The following PKP4 variants were observed in gnomAD, a reference collection of about 807,000 sequenced individuals.
PKP4 encodes the protein plakophilin 4, also known as plakophilin-4.
PKP4 carries 90 observed loss-of-function variants against 145.1 expected under a neutral mutation model. The ratio of observed to expected loss-of-function variants is 0.62; its 90% confidence interval spans 0.52 to 0.74. The LOEUF is 0.74. Among genes scored for constraint, PKP4 ranks in the 30% least tolerant of loss-of-function variants. PKP4 has a pLI of 0.00. For synonymous variants in PKP4, 563 were observed against 577.2 expected (o/e 0.98, Z 0.35); for missense variants, 1,340 against 1,482.7 (o/e 0.90, Z 1.58).
At chr2:158,502,597 C>A (rs539083341) in intron 1 of PKP4, among the ~76,000 whole-genome samples, 1 of 152,202 alleles carries the variant, frequency 6.6e-6, no homozygotes, top group South Asian at 2.1e-4. Flanking sequence ...GCAGTCACTT[C>A]TAGTTGAAAT....
chr2:158,625,281 C>T lies in PKP4; in HGVS notation c.1007C>T (p.Ser336Leu), dbSNP rs766241649. ...CCATCCCAAGGCCAGGTGGGGTCGT[C>T]GTCCCCCAAACGCTCAGGGATGACC... ...ASPSQGQVGSSSPKRSGMTAV... is the reference protein window; with the variant it reads ...ASPSQGQVGSLSPKRSGMTAV... Residue 336 changes from serine to leucine, a missense_variant, in exon 7 of 22, where the codon TCG (serine) becomes TTG (leucine). Transcript: ENST00000389759. The T allele has an allele frequency of 6.2e-6, 10 of 1,614,186 alleles. No homozygotes were observed. The highest frequency in any genetic ancestry group is 7.6e-6 in the Non-Finnish European group (9 of 1,180,028).
intron 2 of PKP4, among the ~76,000 whole-genome samples, chr2:158,558,674 G>A (rs2046287998): frequency 1.3e-5 from 2 of 152,150 alleles, no homozygotes; most frequent in South Asian, 2.1e-4. Flanking sequence ...AAATAAGTGT[G>A]TCTGGAAAGG....
intron 9 of PKP4, among the ~76,000 whole-genome samples, chr2:158,636,264 T>C (rs1004079681): frequency 6.6e-6 from 1 of 152,108 alleles, no homozygotes; most frequent in Non-Finnish European, 1.5e-5. Flanking sequence ...TTCACTTGTT[T>C]TTTTAAAGGA....
intron 15 of PKP4, among the ~76,000 whole-genome samples, chr2:158,664,090 CAG>C (rs1260251167): frequency 6.6e-6 from 1 of 152,200 alleles, no homozygotes; most frequent in Non-Finnish European, 1.5e-5. Context: ...AGATGAGTGA[CAG>C]AGACGGGCTA....
At chr2:158,480,394 G>A (rs530887625) in intron 1 of PKP4, among the ~76,000 whole-genome samples, 3 of 151,866 alleles carry the variant, frequency 2.0e-5, no homozygotes, top group South Asian at 2.1e-4. Flanking sequence ...CCACCACCAC[G>A]CCCAGCTAAT....
chr2:158,484,399 C>T (rs1693865237), intron 1 of PKP4, among the ~76,000 whole-genome samples: 1 of 152,206 alleles, frequency 6.6e-6, no homozygotes, highest in South Asian at 2.1e-4. Context: ...GTCATTTCCA[C>T]TTGTCCTTGA....
chr2:158,618,173 C>CA (rs1412066769), intron 4 of PKP4, among the ~76,000 whole-genome samples: 1 of 150,876 alleles, frequency 6.6e-6, no homozygotes, highest in African/African-American at 2.4e-5. Flanking sequence ...GACTCCGTCT[C>CA]AAAAAAAAGA....
chr2:158,512,283 A>G (rs772729826), intron 1 of PKP4, among the ~76,000 whole-genome samples: 2 of 152,262 alleles, frequency 1.3e-5, no homozygotes, highest in African/African-American at 2.4e-5. Context: ...CAAAATCTGT[A>G]AACAGATTAT....
intron 15 of PKP4, 43 bp downstream of exon 15, chr2:158,663,488 A>C: frequency 6.6e-7 from 1 of 1,525,694 alleles, no homozygotes; most frequent in Non-Finnish European, 9.0e-7. Context: ...CCATCTTTGC[A>C]AACTAACTTG....
At chr2:158,536,684 T>A (rs1268215928) in intron 2 of PKP4, among the ~76,000 whole-genome samples, 1 of 152,230 alleles carries the variant, frequency 6.6e-6, no homozygotes, top group Non-Finnish European at 1.5e-5. Context: ...TTTGGCATAA[T>A]GCTAGAATTT....
At chr2:158,596,224 T>C (rs1396044891) in intron 3 of PKP4, among the ~76,000 whole-genome samples, 1 of 152,010 alleles carries the variant, frequency 6.6e-6, no homozygotes, top group Non-Finnish European at 1.5e-5. Context: ...AAATCACAAA[T>C]TGAAAGTAAG....
chr2:158,484,736 G>A (rs978410395), intron 1 of PKP4, among the ~76,000 whole-genome samples: 10 of 152,170 alleles, frequency 6.6e-5, no homozygotes, highest in African/African-American at 2.4e-4. Context: ...TTATAAATGG[G>A]TTGTTAGCCA....
intron 4 of PKP4, among the ~76,000 whole-genome samples, chr2:158,620,137 TTAA>T (rs2052060492): frequency 6.6e-6 from 1 of 152,164 alleles, no homozygotes; most frequent in Admixed American, 6.5e-5. Context: ...AGAAAGTTTG[TTAA>T]TAATATAAGG....
intron 11 of PKP4, among the ~76,000 whole-genome samples, chr2:158,654,036 C>A (rs1324850454): frequency 6.6e-6 from 1 of 152,198 alleles, no homozygotes; most frequent in Admixed American, 6.5e-5. Flanking sequence ...TTAATCATTT[C>A]ATATCTAAGG....
chr2:158,549,984 G>C (rs1053038690), intron 2 of PKP4, among the ~76,000 whole-genome samples: 12 of 149,316 alleles, frequency 8.0e-5, no homozygotes, highest in African/African-American at 2.9e-4. Flanking sequence ...TCTCATAGCA[G>C]TGTCGCTAAT....
In PKP4 at chr2:158,545,403, C is replaced by A. The variant is rs373014400; in HGVS notation, c.132+12087C>A. On this transcript the variant is annotated intron_variant, in intron 2 of 21. Transcript: ENST00000389759. Reference sequence around the variant, plus strand: ...ATTTTGAGAAATGAATAAATCTGTTCTTTTAAGTCATAAACCGCTGAAGGT... The same window carrying A: ...ATTTTGAGAAATGAATAAATCTGTTATTTTAAGTCATAAACCGCTGAAGGT... 8.5e-5 allele frequency among the ~76,000 whole-genome samples: 13 copies of A among 152,114 alleles called. 2 individuals are homozygous for A. Among genetic ancestry groups the A allele is most frequent in the Admixed American group, 6.6e-4 (10 of 15,262 alleles).
At chr2:158,460,278 T>C (rs1689567666) in intron 1 of PKP4, among the ~76,000 whole-genome samples, 1 of 152,232 alleles carries the variant, frequency 6.6e-6, no homozygotes, top group African/African-American at 2.4e-5. Context: ...TGACATGATA[T>C]GAATTTAAAG....
chr2:158,570,131 G>C (rs1279636904), intron 2 of PKP4, among the ~76,000 whole-genome samples: 3 of 152,126 alleles, frequency 2.0e-5, no homozygotes, highest in Non-Finnish European at 4.4e-5. Context: ...TGTGGTAGAT[G>C]GTCAGGACAT....
At chr2:158,677,105 TAA>T (rs780667305) in intron 20 of PKP4, 35 of 503,028 alleles carry the variant, frequency 7.0e-5, no homozygotes, top group Non-Finnish European at 1.1e-4. Context: ...TGGGCACAAA[TAA>T]AAAGAGGGCT....
Sources: allele counts gnomAD v4.1 joint callset (sites outside exome capture counted in the v4.1 genomes callset), GRCh38; gene constraint gnomAD v4.1.1; transcripts MANE v1.5; gene names NCBI Gene and HGNC (gene_info 2026-07-23, HGNC 2026-07-21).